CSGALNACT1: variants seen among roughly 807,000 people sequenced by gnomAD.
The protein encoded by CSGALNACT1 is beta4GalNAcT-1.
In CSGALNACT1, 52 loss-of-function variants were observed where a neutral mutation model predicts 51.0. That is an observed-to-expected ratio of 1.02 (90% confidence interval 0.82 to 1.29). CSGALNACT1 has a LOEUF of 1.29. Ranked by LOEUF, CSGALNACT1 falls within the 50% of genes most tolerant of loss-of-function variation. CSGALNACT1 has a pLI of 0.00. For synonymous variants in CSGALNACT1, 341 were observed against 254.4 expected (o/e 1.34, Z -3.24); for missense variants, 935 against 679.2 (o/e 1.38, Z -4.19).
chr8:19,666,945 A>G (rs540393871), intron 1 of CSGALNACT1, among the ~76,000 whole-genome samples: 52 of 15,276 alleles, frequency 3.4e-3, no homozygotes, highest in Non-Finnish European at 3.9e-3. Context: ...GAGAGAGAAA[A>G]AGAAAGAAAG....
At chr8:19,523,845 G>T (rs147468259) in intron 3 of CSGALNACT1, among the ~76,000 whole-genome samples, 3 of 152,090 alleles carry the variant, frequency 2.0e-5, no homozygotes, top group African/African-American at 7.2e-5. Flanking sequence ...TCAGTCATTC[G>T]CGATATAAAC....
chr8:19,626,752 G>A (rs908968063), intron 1 of CSGALNACT1, among the ~76,000 whole-genome samples: 1 of 152,140 alleles, frequency 6.6e-6, no homozygotes. Flanking sequence ...GTTTTTTAGT[G>A]TGCAAAAGAC....
chr8:19,710,428 C>A (rs970895762), intron 1 of CSGALNACT1, among the ~76,000 whole-genome samples: 3 of 152,162 alleles, frequency 2.0e-5, no homozygotes, highest in African/African-American at 4.8e-5. Flanking sequence ...CTTAACAACG[C>A]TATGCTTGGT....
intron 1 of CSGALNACT1, among the ~76,000 whole-genome samples, chr8:19,622,289 T>G (rs1589094431): frequency 1.3e-5 from 2 of 152,320 alleles, no homozygotes; most frequent in South Asian, 4.1e-4. Context: ...GTTTGAAGGT[T>G]GAGATGTAAT....
intron 1 of CSGALNACT1, among the ~76,000 whole-genome samples, chr8:19,630,865 G>A (rs1371820706): frequency 6.6e-6 from 1 of 152,048 alleles, no homozygotes; most frequent in African/African-American, 2.4e-5. Flanking sequence ...CATAAACTAT[G>A]GAGATTTCCC....
intron 1 of CSGALNACT1, among the ~76,000 whole-genome samples, chr8:19,653,923 T>C (rs1457518920): frequency 1.3e-5 from 2 of 152,176 alleles, no homozygotes; most frequent in Non-Finnish European, 2.9e-5. Flanking sequence ...ACTATAGGTG[T>C]TCACTGTCTG....
chr8:19,524,706 T>C (rs1292776886), intron 3 of CSGALNACT1, among the ~76,000 whole-genome samples: 6 of 152,162 alleles, frequency 3.9e-5, no homozygotes, highest in Admixed American at 3.3e-4. Flanking sequence ...ATTAAAAGCC[T>C]CTAATGTGAT....
intron 1 of CSGALNACT1, among the ~76,000 whole-genome samples, chr8:19,664,354 T>G (rs972818041): frequency 2.6e-5 from 4 of 152,044 alleles, no homozygotes; most frequent in South Asian, 2.1e-4. Flanking sequence ...GGCGAGGAGG[T>G]GCAGAAAAGG....
At chr8:19,576,287 C>A (rs1276405553) in intron 3 of CSGALNACT1, among the ~76,000 whole-genome samples, 1 of 150,444 alleles carries the variant, frequency 6.6e-6, no homozygotes, top group East Asian at 2.0e-4. Context: ...CCTCCACCTC[C>A]CAGGTTCATG....
chr8:19,405,461 A>C (rs1340360698), exon 10 of CSGALNACT1: 1 of 521,056 alleles, frequency 1.9e-6, no homozygotes, highest in East Asian at 5.2e-5. Context: ...TGAATATTTC[A>C]ATGAGCACAC....
intron 3 of CSGALNACT1, among the ~76,000 whole-genome samples, chr8:19,530,410 C>G (rs879598581): frequency 2.0e-5 from 3 of 151,868 alleles, no homozygotes; most frequent in African/African-American, 7.3e-5. Context: ...TTTATAATAT[C>G]TATAACTCTT....
At chr8:19,461,722 A>G (rs201537973) in intron 4 of CSGALNACT1, among the ~76,000 whole-genome samples, 3 of 135,602 alleles carry the variant, frequency 2.2e-5, no homozygotes, top group Admixed American at 7.4e-5. Flanking sequence ...CACATTCACC[A>G]TGGAGGGCGT....
chr8:19,445,402 C>T (rs1391711089), intron 5 of CSGALNACT1, among the ~76,000 whole-genome samples: 1 of 152,156 alleles, frequency 6.6e-6, no homozygotes, highest in Non-Finnish European at 1.5e-5. Context: ...TTTGCTGTCT[C>T]CCTCTCTGGT....
Position 19,647,740 on chromosome 8 carries a change from T to A in CSGALNACT1, c.-544+34733A>T, listed in dbSNP as rs560877567. On this transcript the variant is annotated intron_variant, in intron 1 of 9. Transcript: ENST00000332246. ...ACATTACCAAGTGCAAGTCATACGA[T>A]ACAGGATATTAGATGCTGATACAAG... Among the ~76,000 whole-genome samples the A allele has an allele frequency of 5.3e-5, 8 of 152,336 alleles. No individual in the cohort carries two copies. In the South Asian group the frequency reaches 1.7e-3, roughly 32 times the overall value.
At chr8:19,695,071 T>C (rs2061519438) in intron 1 of CSGALNACT1, among the ~76,000 whole-genome samples, 1 of 152,200 alleles carries the variant, frequency 6.6e-6, no homozygotes, top group African/African-American at 2.4e-5. Flanking sequence ...TGAGAGATTC[T>C]AGTATTTGAA....
At chr8:19,678,112 C>CA (rs1162072539) in intron 1 of CSGALNACT1, among the ~76,000 whole-genome samples, 146 of 145,754 alleles carry the variant, frequency 1.0e-3, no homozygotes, top group South Asian at 3.7e-3. Context: ...CTCAAACAAA[C>CA]AAAAAAAAAA....
Position 19,646,307 on chromosome 8 carries a change from C to A in CSGALNACT1, c.-544+36166G>T, listed in dbSNP as rs188935854. On this transcript the variant is annotated intron_variant, in intron 1 of 9. Coordinates refer to the CSGALNACT1 transcript ENST00000332246. ...AGAAAGAGACAAAGCTCCAGCCATC[C>A]CCAGAGGCTGAAGAAAGATCCTGTG... Among the ~76,000 whole-genome samples the A allele has an allele frequency of 2.6e-5, 4 of 152,196 alleles. No individual in the cohort carries two copies. The East Asian group carries it at 7.7e-4, about 29-fold the overall frequency.
intron 4 of CSGALNACT1, among the ~76,000 whole-genome samples, chr8:19,474,184 C>T (rs1423408092): frequency 6.6e-6 from 1 of 152,100 alleles, no homozygotes; most frequent in Non-Finnish European, 1.5e-5. Flanking sequence ...GCCTGGATTT[C>T]TTGTCTCTGT....
intron 3 of CSGALNACT1, among the ~76,000 whole-genome samples, chr8:19,549,936 C>T (rs1266356646): frequency 1.3e-5 from 2 of 152,004 alleles, no homozygotes; most frequent in Admixed American, 6.6e-5. Context: ...ATGCGACCTA[C>T]CTTTTCTCTG....
Sources: allele counts gnomAD v4.1 joint callset (sites outside exome capture counted in the v4.1 genomes callset), GRCh38; gene constraint gnomAD v4.1.1; transcripts MANE v1.5; gene names NCBI Gene and HGNC (gene_info 2026-07-23, HGNC 2026-07-21).